EPB41L4A: variants seen among roughly 807,000 people sequenced by gnomAD.
EPB41L4A encodes band 4.1-like protein 4A.
Under a neutral mutation model 108.6 loss-of-function variants are expected in EPB41L4A, and 100 were observed. The ratio of observed to expected loss-of-function variants is 0.92; its 90% confidence interval spans 0.78 to 1.09. The LOEUF (loss-of-function observed/expected upper bound fraction) is 1.09, where lower values mean the gene tolerates loss of function less well. EPB41L4A is among the 50% of genes least tolerant of loss of function. The pLI is 0.00. For synonymous variants in EPB41L4A, 319 were observed against 289.0 expected, an observed-to-expected ratio of 1.10 and a Z score of -1.05; for missense variants, 1,030 against 842.7, an observed-to-expected ratio of 1.22 and a Z score of -2.75.
At chr5:112,412,920 C>T (rs1762496101) in intron 1 of EPB41L4A, among the ~76,000 whole-genome samples, 3 of 152,080 alleles carry the variant, frequency 2.0e-5, no homozygotes, top group South Asian at 2.1e-4. Flanking sequence ...GTATTTACAC[C>T]ATCTTTTCCA....
At chr5:112,327,396 G>C (rs1396734002) in intron 1 of EPB41L4A, among the ~76,000 whole-genome samples, 3 of 152,112 alleles carry the variant, frequency 2.0e-5, no homozygotes, top group African/African-American at 4.8e-5. Context: ...TACTCAGTAA[G>C]ACATACCTGT....
intron 1 of EPB41L4A, among the ~76,000 whole-genome samples, chr5:112,359,543 T>C (rs888530018): frequency 1.3e-4 from 17 of 128,778 alleles, no homozygotes; most frequent in Admixed American, 2.3e-4. Flanking sequence ...TTGAAAGTCT[T>C]CTTTTTTTTT....
At chr5:112,272,029 C>T (rs187791441) in intron 4 of EPB41L4A, among the ~76,000 whole-genome samples, 26 of 152,168 alleles carry the variant, frequency 1.7e-4, no homozygotes, top group Non-Finnish European at 3.1e-4. Flanking sequence ...ATTTTCCTAT[C>T]ACATTCATTC....
intron 9 of EPB41L4A, among the ~76,000 whole-genome samples, chr5:112,248,249 T>C (rs1750386508): frequency 6.6e-6 from 1 of 152,212 alleles, no homozygotes; most frequent in African/African-American, 2.4e-5. Context: ...TCCACTGCCA[T>C]GGCATTTCAA....
intron 4 of EPB41L4A, among the ~76,000 whole-genome samples, chr5:112,269,711 C>G (rs1483199483): frequency 1.3e-5 from 2 of 152,150 alleles, no homozygotes; most frequent in African/African-American, 4.8e-5. Context: ...ATAAATTATA[C>G]TGTGACTCTA....
At chr5:112,259,346 A>T in intron 8 of EPB41L4A, 54 bp from the exon 9 acceptor site, 1 of 1,446,690 alleles carries the variant, frequency 6.9e-7, no homozygotes, top group Non-Finnish European at 9.7e-7. Flanking sequence ...AACCTTTCAG[A>T]AAATCAGGGA....
chr5:112,220,819 T>C (rs182042750), intron 12 of EPB41L4A, among the ~76,000 whole-genome samples: 55 of 152,296 alleles, frequency 3.6e-4, no homozygotes, highest in Admixed American at 2.0e-3. Flanking sequence ...CCTCATGTGA[T>C]AGATATCCTG....
At chr5:112,228,741 G>GT (rs1748654166) in intron 12 of EPB41L4A, 13 of 985,336 alleles carry the variant, frequency 1.3e-5, no homozygotes, top group Admixed American at 1.2e-4. Context: ...AGAGAGGGTT[G>GT]TAACAGGAGG....
At chr5:112,412,969 T>C (rs867855780) in intron 1 of EPB41L4A, among the ~76,000 whole-genome samples, 2 of 152,188 alleles carry the variant, frequency 1.3e-5, no homozygotes, top group African/African-American at 4.8e-5. Flanking sequence ...TTTAAACAGC[T>C]TCAAGAGTAA....
intron 4 of EPB41L4A, 167 bp downstream of exon 4, chr5:112,275,159 G>C (rs1580587150): frequency 1.2e-6 from 1 of 804,656 alleles, no homozygotes; most frequent in East Asian, 3.4e-5. Flanking sequence ...ATCAGACACT[G>C]ATCAACTTCA....
intron 18 of EPB41L4A, among the ~76,000 whole-genome samples, chr5:112,178,911 G>A (rs1442334616): frequency 6.6e-6 from 1 of 151,458 alleles, no homozygotes; most frequent in Non-Finnish European, 1.5e-5. Context: ...CAATGAAACA[G>A]ACAACAGATA....
At chr5:112,390,982 T>G (rs909058575) in intron 1 of EPB41L4A, among the ~76,000 whole-genome samples, 4 of 152,184 alleles carry the variant, frequency 2.6e-5, no homozygotes, top group African/African-American at 9.7e-5. Flanking sequence ...CTGAGGGACC[T>G]GACTGTTAGA....
chr5:112,372,183 G>C (rs1759536410), intron 1 of EPB41L4A, among the ~76,000 whole-genome samples: 1 of 152,156 alleles, frequency 6.6e-6, no homozygotes, highest in Admixed American at 6.5e-5. Flanking sequence ...ATTCTGCATG[G>C]CTAGGAAGCC....
chr5:112,211,856 A>G (rs1057234745), intron 12 of EPB41L4A, among the ~76,000 whole-genome samples: 1 of 152,220 alleles, frequency 6.6e-6, no homozygotes, highest in African/African-American at 2.4e-5. Flanking sequence ...GGGATTCCAT[A>G]TCTGAATTGT....
chr5:112,183,964 G>C (rs575480890), intron 18 of EPB41L4A, 52 bp downstream of exon 18: 1 of 1,607,862 alleles, frequency 6.2e-7, no homozygotes, highest in South Asian at 1.1e-5. Flanking sequence ...ATATCCACAT[G>C]CTACTTCAAA....
intron 3 of EPB41L4A, among the ~76,000 whole-genome samples, chr5:112,278,931 G>C (rs1176472651): frequency 6.6e-6 from 1 of 151,498 alleles, no homozygotes; most frequent in Non-Finnish European, 1.5e-5. Context: ...TGGGCATGGT[G>C]GTGGGCGCTT....
rs1751847002 is a variant in EPB41L4A, at chr5:112,266,252, C to T, written c.414G>A (p.Leu138=). The change falls in exon 5 of 23, where the codon CTG becomes CTA. Residue 138 remains leucine, a synonymous_variant. Coordinates refer to ENST00000261486, the MANE Select transcript of EPB41L4A (RefSeq NM_022140.5). ...LPCPVNTAAQ[L]GAYAIQSELG... ...ACCTACACTGGATGGCATACGCTCCCAGCTGAGCAGCAGTGTTGACGGGAC... is the reference window on the plus strand; with the variant it reads ...ACCTACACTGGATGGCATACGCTCCTAGCTGAGCAGCAGTGTTGACGGGAC... The T allele has an allele frequency of 1.2e-6, 2 of 1,610,092 alleles. No homozygotes were observed. The highest frequency in any genetic ancestry group is 1.7e-5 in the Admixed American group (1 of 59,490).
chr5:112,375,492 A>T (rs894503949), intron 1 of EPB41L4A, among the ~76,000 whole-genome samples: 25 of 152,186 alleles, frequency 1.6e-4, no homozygotes, highest in Non-Finnish European at 3.4e-4. Flanking sequence ...TCCATACTGA[A>T]TGAGAAAAGG....
At chr5:112,184,245 A>T (rs1761314898) in intron 17 of EPB41L4A, 110 bp from the exon 18 acceptor site, 1 of 1,280,694 alleles carries the variant, frequency 7.8e-7, no homozygotes, top group Non-Finnish European at 1.1e-6. Context: ...TTTTATTATG[A>T]TCATTTATAG....
Sources: gnomAD v4.1 joint callset for allele counts (sites outside exome capture counted in the v4.1 genomes callset) on GRCh38, gnomAD v4.1.1 for gene constraint, MANE v1.5 for transcripts, NCBI Gene and HGNC (gene_info 2026-07-23, HGNC 2026-07-21) for gene names.